TRIM13: variants seen among roughly 807,000 people sequenced by gnomAD.
The protein encoded by TRIM13 is tripartite motif containing 13, also known as E3 ubiquitin-protein ligase TRIM13.
In TRIM13, 15 loss-of-function variants were observed where a neutral mutation model predicts 27.1. The ratio of observed to expected loss-of-function variants is 0.55; its 90% CI spans 0.37 to 0.85. The LOEUF (loss-of-function observed/expected upper bound fraction) is 0.85. Among genes scored for constraint, TRIM13 ranks in the 40% least tolerant of loss-of-function variants. The pLI, the probability that TRIM13 is intolerant of heterozygous loss-of-function variation, is 0.00. For synonymous variants in TRIM13, 193 were observed against 171.5 expected (o/e 1.13, Z -0.98); for missense variants, 402 against 472.2 (o/e 0.85, Z 1.38).
chr13:50,004,944 C>T (rs1014117554), intron 1 of TRIM13, among the ~76,000 whole-genome samples: 62 of 151,268 alleles, frequency 4.1e-4, no homozygotes, highest in Non-Finnish European at 8.6e-4. Context: ...GGTGTGGTGG[C>T]GGGCACCTGT....
In TRIM13 at chr13:50,012,238, C is replaced by A; in HGVS notation, c.298C>A (p.Gln100Lys). The A allele has an allele frequency of 6.2e-7, 1 of 1,614,088 alleles. No homozygotes were observed. The highest frequency in any genetic ancestry group is 8.5e-7 in the Non-Finnish European group (1 of 1,179,980). The stretch of plus-strand genomic sequence containing the variant: ...GCCAGTATGCAAAGGACACTTGGGG[C>A]AGCCTCTCAACATTTTCTGCCTGAC... Reference protein sequence around the residue: ...KMPVCKGHLGQPLNIFCLTDM... With the variant: ...KMPVCKGHLGKPLNIFCLTDM... The change falls in exon 2 of 2, where the codon CAG becomes AAG. Residue 100 changes from glutamine (Q) to lysine (K), a missense_variant. Around this residue, in one of 2 missense-constraint regions of TRIM13, gnomAD observed 202 missense variants for 277.5 expected, o/e 0.73. Transcript: ENST00000378182.
Position 49,997,656 on chromosome 13 carries a change from T to G in TRIM13, c.-114T>G, listed in dbSNP as rs1225264119. 1 of 152,230 alleles carries G rather than the reference T, an allele frequency of 6.6e-6. No homozygotes were observed. The highest frequency in any genetic ancestry group is 2.4e-5 in the African/African-American group (1 of 41,452). 9.4% of individuals were successfully genotyped at this position (152,230 alleles called of 1,614,324 possible). ...TGCGTTAATACTGTTCTTTTTCTTC[T>G]TTCTTTGCAGTAGCCTCTAGTTCGT... On this transcript the variant is annotated 5_prime_UTR_variant, in exon 1 of 2. Coordinates refer to ENST00000378182, the MANE Select transcript of TRIM13 (RefSeq NM_213590.3).
Position 50,017,427 on chromosome 13 carries a change from C to T in TRIM13, c.*4263C>T. On this transcript the variant is annotated 3_prime_UTR_variant, in exon 2 of 2. Transcript: ENST00000378182. ...GATTAAAAACTAAAACTGGGATGTT[C>T]CTGTGTGTACACAGTGCCAAATGGT... 6.0e-6 allele frequency: 1 copy of T among 167,124 alleles called. No individual in the cohort carries two copies. The allele number at this position is 167,124 out of a possible 1,614,324, so 10.4% of individuals were successfully genotyped here. A position where few individuals can be genotyped will look rare whatever the true frequency, so the allele number is the denominator to read the frequency against.
Position 50,014,951 on chromosome 13 carries a change from T to C in TRIM13, c.*1787T>C, listed in dbSNP as rs1876185136. On this transcript the variant is annotated 3_prime_UTR_variant, in exon 2 of 2. Coordinates refer to ENST00000378182, the MANE Select transcript of TRIM13 (RefSeq NM_213590.3). ...TTGCCAGGCTGTCTCATTCCTAACATGTAATTCATGATTTAGCCACTAAAT... is the reference window on the plus strand; with the variant it reads ...TTGCCAGGCTGTCTCATTCCTAACACGTAATTCATGATTTAGCCACTAAAT... 6.0e-6 allele frequency: 1 copy of C among 166,020 alleles called. No homozygotes were observed. Among genetic ancestry groups the C allele is most frequent in the Admixed American group, 6.6e-5 (1 of 15,148 alleles). 10.3% of individuals were successfully genotyped at this position (166,020 alleles called of 1,614,324 possible). A position where few individuals can be genotyped will look rare whatever the true frequency, so the allele number is the denominator to read the frequency against.
At chr13:50,010,775 A>G (rs1875530857) in intron 1 of TRIM13, among the ~76,000 whole-genome samples, 1 of 152,152 alleles carries the variant, frequency 6.6e-6, no homozygotes, top group Non-Finnish European at 1.5e-5. Context: ...TTCCCCAGAA[A>G]ATGTCAGGTA....
In TRIM13 at chr13:50,015,089, AAAAAAATATATATATATATATAT is replaced by A. The variant is rs1876261506; in HGVS notation, c.*1927_*1949del. On this transcript the variant is annotated 3_prime_UTR_variant, in exon 2 of 2. Coordinates refer to ENST00000378182, the MANE Select transcript of TRIM13 (RefSeq NM_213590.3). ...CCTCCCAGTAATAAAAAAAAAAAAA[AAAAAAATATATATATATATATAT>A]ATATATATATATATATATATATATA... 6.2e-4 allele frequency: 27 copies of A among 43,348 alleles called. 1 individual carries two copies. Among genetic ancestry groups the A allele is most frequent in the Middle Eastern group, 0.016 (1 of 62 alleles). 2.7% of individuals were successfully genotyped at this position (43,348 alleles called of 1,614,324 possible).
intron 1 of TRIM13, among the ~76,000 whole-genome samples, chr13:50,008,223 C>T (rs61961299): frequency 0.18 from 26,610 of 152,022 alleles, 2,645 homozygotes; most frequent in African/African-American, 0.26. Context: ...CACTTTTTAT[C>T]ATAGATGGCC....
In TRIM13 at chr13:50,012,231, C is replaced by CTTGG; in HGVS notation, c.292_295dup (p.Gly99ValfsTer12). On this transcript the variant is annotated frameshift_variant, in exon 2 of 2. Transcript: ENST00000378182. LOFTEE classifies it high-confidence loss of function. ...CCAAAATGCCAGTATGCAAAGGACACTTGGGGCAGCCTCTCAACATTTTCT... is the reference window on the plus strand; with the variant it reads ...CCAAAATGCCAGTATGCAAAGGACACTTGGTTGGGGCAGCCTCTCAACATTTTCT... 9 of 1,614,152 alleles carry CTTGG rather than the reference C, an allele frequency of 5.6e-6. No homozygotes were observed. The highest frequency in any genetic ancestry group is 7.6e-6 in the Non-Finnish European group (9 of 1,180,014).
chr13:50,012,956 CATT>C lies in TRIM13; in HGVS notation c.1020_1022del (p.Leu340del). The C allele has an allele frequency of 6.2e-7, 1 of 1,613,788 alleles. No homozygotes were observed. The highest frequency in any genetic ancestry group is 8.5e-7 in the Non-Finnish European group (1 of 1,179,866). Reference sequence around the variant, plus strand: ...GGTCCTACCATGTTCCTAGAATGGTCATTATTTGATGACCTGGCAACTTGGAAA... The same window carrying C: ...GGTCCTACCATGTTCCTAGAATGGTCATTTGATGACCTGGCAACTTGGAAA... On this transcript the variant is annotated inframe_deletion, in exon 2 of 2. Coordinates refer to ENST00000378182, the MANE Select transcript of TRIM13 (RefSeq NM_213590.3).
chr13:50,011,765 G>A (rs945815253), intron 1 of TRIM13, among the ~76,000 whole-genome samples, 170 bp from the exon 2 acceptor site: 8 of 152,266 alleles, frequency 5.3e-5, no homozygotes, highest in South Asian at 2.1e-4. Flanking sequence ...TAGTCTCAGT[G>A]GATTAAATTT....
rs542911746 is a variant in TRIM13 at position 50,015,408 on chromosome 13, A to G, written c.*2244A>G. 4.0e-5 allele frequency: 40 copies of G among 990,110 alleles called. No individual in the cohort carries two copies. Among genetic ancestry groups the G allele is most frequent in the Admixed American group, 3.4e-4 (15 of 44,108 alleles). 61.3% of individuals were successfully genotyped at this position (990,110 alleles called of 1,614,324 possible). ...ATTCTTCCCTCCCCTCCACTGCATA[A>G]TCATGTATAACTAGCAACATTTATG... On this transcript the variant is annotated 3_prime_UTR_variant, in exon 2 of 2. Transcript: ENST00000378182.
At position 50,013,328 on chromosome 13, in the gene TRIM13, G is replaced by A; in HGVS notation, c.*164G>A. 1.3e-6 allele frequency: 1 copy of A among 742,236 alleles called. No homozygotes were observed. The highest frequency in any genetic ancestry group is 2.0e-6 in the Non-Finnish European group (1 of 488,654). 46.0% of individuals were successfully genotyped at this position (742,236 alleles called of 1,614,324 possible). A position where few individuals can be genotyped will look rare whatever the true frequency, so the allele number is the denominator to read the frequency against. On this transcript the variant is annotated 3_prime_UTR_variant, in exon 2 of 2. Coordinates refer to ENST00000378182, the MANE Select transcript of TRIM13 (RefSeq NM_213590.3). ...AATTAGGTAGCATAAAGATAAAAGT[G>A]AAATTTAGTAGTATAGGCCTGAACC...
chr13:50,016,893 G>A lies in TRIM13; in HGVS notation c.*3729G>A, dbSNP rs180747180. ...TTTTTTTTTTTTGGTAAAGGTAGGC[G>A]TATTTTAAGATATTTTCTTAACTTG... On this transcript the variant is annotated 3_prime_UTR_variant, in exon 2 of 2. Transcript: ENST00000378182. 56 of 162,726 alleles carry A rather than the reference G, an allele frequency of 3.4e-4. No homozygotes were observed. Among genetic ancestry groups the A allele is most frequent in the Non-Finnish European group, 5.6e-4 (38 of 67,450 alleles). The allele number at this position is 162,726 out of a possible 1,614,324, so 10.1% of individuals were successfully genotyped here. A position where few individuals can be genotyped will look rare whatever the true frequency, so the allele number is the denominator to read the frequency against.
At chr13:50,006,843 C>T (rs948493609) in intron 1 of TRIM13, among the ~76,000 whole-genome samples, 1 of 152,082 alleles carries the variant, frequency 6.6e-6, no homozygotes, top group Non-Finnish European at 1.5e-5. Flanking sequence ...TTAGTTCTCC[C>T]TATGTTATGT....
At chr13:50,009,736 C>CAAAAA (rs35561642) in intron 1 of TRIM13, among the ~76,000 whole-genome samples, 12 of 101,188 alleles carry the variant, frequency 1.2e-4, no homozygotes, top group Admixed American at 2.5e-4. Flanking sequence ...GACTCCGTCT[C>CAAAAA]AAAAAAAAAA....
rs774594363 is a variant in TRIM13, at chr13:50,013,827, C to T, written c.*663C>T. 9.6e-5 allele frequency: 16 copies of T among 166,682 alleles called. No homozygotes were observed. The highest frequency in any genetic ancestry group is 2.1e-4 in the South Asian group (1 of 4,816). 10.3% of individuals were successfully genotyped at this position (166,682 alleles called of 1,614,324 possible). A position where few individuals can be genotyped will look rare whatever the true frequency, so the allele number is the denominator to read the frequency against. ...TGCTGGGATTACAGGTGTGAGCCAC[C>T]GTGCCCAGCCAAAGACTGCTCTTAA... is the stretch of plus-strand genomic sequence containing the variant. On this transcript the variant is annotated 3_prime_UTR_variant, in exon 2 of 2. Transcript: ENST00000378182.
Position 50,016,156 on chromosome 13 carries a change from T to TC in TRIM13, c.*2993dup, listed in dbSNP as rs1876535367. 1 of 898,946 alleles carries TC rather than the reference T, an allele frequency of 1.1e-6. No homozygotes were observed. Among genetic ancestry groups the TC allele is most frequent in the African/African-American group, 1.7e-5 (1 of 58,980 alleles). 55.7% of individuals were successfully genotyped at this position (898,946 alleles called of 1,614,324 possible). ...CTTGAAGTTCCTCAGGCCTGTAACT[T>TC]CTGGAAAAGATGATTATTCAAAATA... On this transcript the variant is annotated 3_prime_UTR_variant, in exon 2 of 2. Coordinates refer to ENST00000378182, the MANE Select transcript of TRIM13 (RefSeq NM_213590.3).
In TRIM13 at chr13:50,012,234, G is replaced by C; in HGVS notation, c.294G>C (p.Leu98Phe). 1 of 1,614,132 alleles carries C rather than the reference G, an allele frequency of 6.2e-7. No homozygotes were observed. The highest frequency in any genetic ancestry group is 1.1e-5 in the South Asian group (1 of 91,080). The change falls in exon 2 of 2, where the codon TTG (leucine) becomes TTC (phenylalanine). Residue 98 changes from leucine (L) to phenylalanine (F), a missense_variant. Physicochemically the swap from Leu to Phe is conservative, Grantham distance 22 (BLOSUM62 0). Coordinates refer to ENST00000378182, the MANE Select transcript of TRIM13 (RefSeq NM_213590.3). ...SPKMPVCKGH[L>F]GQPLNIFCLT... is the part of the protein sequence containing the mutation. ...AAATGCCAGTATGCAAAGGACACTTGGGGCAGCCTCTCAACATTTTCTGCC... is the reference window on the plus strand; with the variant it reads ...AAATGCCAGTATGCAAAGGACACTTCGGGCAGCCTCTCAACATTTTCTGCC...
intron 1 of TRIM13, among the ~76,000 whole-genome samples, chr13:50,006,739 AT>A (rs1342863027): frequency 6.6e-6 from 1 of 152,112 alleles, no homozygotes; most frequent in Non-Finnish European, 1.5e-5. Flanking sequence ...AGGTTATATG[AT>A]TTGTCATATC....
Sources: gnomAD v4.1 joint callset for allele counts (sites outside exome capture counted in the v4.1 genomes callset) on GRCh38, gnomAD v4.1.1 for gene constraint, gnomAD v4.1.1 regional missense constraint, MANE v1.5 for transcripts, NCBI Gene and HGNC (gene_info 2026-07-23, HGNC 2026-07-21) for gene names.